Variants in TOGARAM1 observed in about 807,000 individuals in gnomAD.
TOGARAM1 encodes the protein TOG array regulator of axonemal microtubules protein 1.
TOGARAM1 carries 100 observed loss-of-function variants against 166.6 expected under a neutral mutation model. The observed-to-expected ratio is 0.60, with a 90% confidence interval of 0.51 to 0.71. The LOEUF (loss-of-function observed/expected upper bound fraction) is 0.71, where lower values mean the gene tolerates loss of function less well. TOGARAM1 is among the 30% of genes least tolerant of loss of function. The pLI, the probability that TOGARAM1 is intolerant of heterozygous loss-of-function variation, is 0.00. For missense variants in TOGARAM1, 2,029 were observed against 2,102.7 expected (o/e 0.96, Z 0.69); for synonymous variants, 758 against 763.8 (o/e 0.99, Z 0.13).
rs1883473949 is a variant in TOGARAM1 at position 45,073,478 on chromosome 14, T to C, written c.5239T>C (p.Leu1747=). Residue 1747 remains leucine (L), a synonymous_variant, in exon 20 of 20, where the codon TTA becomes CTA. Coordinates refer to ENST00000361462, the MANE Select transcript of TOGARAM1 (RefSeq NM_001308120.2). Reference sequence around the variant, plus strand: ...CTTTGCACAGATGGGTCAGAATCTGTTAAATCAGGCTGCATCTCAACCACC... The same window carrying C: ...CTTTGCACAGATGGGTCAGAATCTGCTAAATCAGGCTGCATCTCAACCACC... ...ALFAQMGQNL[L]NQAASQPPHI... 8 of 1,614,018 alleles carry C rather than the reference T, an allele frequency of 5.0e-6. No homozygotes were observed. Among genetic ancestry groups the C allele is most frequent in the Non-Finnish European group, 5.9e-6 (7 of 1,180,040 alleles).
At chr14:44,995,576 T>C (rs1566617974) in intron 1 of TOGARAM1, 170 bp from the exon 2 acceptor site, 2 of 640,102 alleles carry the variant, frequency 3.1e-6, no homozygotes, top group East Asian at 6.3e-5. Context: ...GAATGAAAAG[T>C]ACTGTTGGTG....
At chr14:45,022,770 TG>T (rs1201532764) in intron 7 of TOGARAM1, 1 of 152,112 alleles carries the variant, frequency 6.6e-6, no homozygotes, top group African/African-American at 2.4e-5. Flanking sequence ...CAGCTCTTTT[TG>T]CTTCAATATC....
At chr14:45,017,125 G>A (rs1016683264) in intron 7 of TOGARAM1, among the ~76,000 whole-genome samples, 4 of 152,172 alleles carry the variant, frequency 2.6e-5, no homozygotes, top group Admixed American at 6.5e-5. Context: ...TTCATGACAA[G>A]TTAATTTTTA....
At chr14:44,985,377 A>G (rs1886740515) in intron 1 of TOGARAM1, among the ~76,000 whole-genome samples, 1 of 152,164 alleles carries the variant, frequency 6.6e-6, no homozygotes, top group African/African-American at 2.4e-5. Flanking sequence ...GCATATATGT[A>G]TCCTTTAACT....
At chr14:45,053,316 C>T (rs1266847683) in intron 15 of TOGARAM1, among the ~76,000 whole-genome samples, 1 of 152,126 alleles carries the variant, frequency 6.6e-6, no homozygotes, top group East Asian at 1.9e-4. Flanking sequence ...GCTGGGATTA[C>T]AGGCGAGAGC....
intron 1 of TOGARAM1, among the ~76,000 whole-genome samples, chr14:44,966,555 C>T (rs111053517): frequency 6.6e-6 from 1 of 151,980 alleles, no homozygotes; most frequent in East Asian, 1.9e-4. Context: ...TGTTTACTAC[C>T]TGCAATTCTT....
At chr14:45,046,153 G>C (rs533875835) in intron 13 of TOGARAM1, among the ~76,000 whole-genome samples, 2 of 151,270 alleles carry the variant, frequency 1.3e-5, no homozygotes, top group Non-Finnish European at 1.5e-5. Flanking sequence ...ATAGATCTTA[G>C]CCTCACGTGG....
At chr14:45,010,238 C>G (rs937372724) in intron 6 of TOGARAM1, among the ~76,000 whole-genome samples, 1 of 152,122 alleles carries the variant, frequency 6.6e-6, no homozygotes, top group African/African-American at 2.4e-5. Context: ...GTGTTCCATT[C>G]TTAGAAGTTT....
rs140279717 is a variant in TOGARAM1, at chr14:45,063,656, T to A, written c.4560-2922T>A. On this transcript the variant is annotated intron_variant, in intron 16 of 19. Transcript: ENST00000361462. ...CACCATGCCCAGCTAATTTTTGTAT[T>A]TTTAGTAGAGACAGGGTTTCACGAT... Among the ~76,000 whole-genome samples, 84 of 152,008 alleles carry A rather than the reference T, an allele frequency of 5.5e-4. No homozygotes were observed. In the East Asian group the frequency reaches 0.01, roughly 19 times the overall value.
chr14:45,027,333 C>A lies in TOGARAM1; in HGVS notation c.3363C>A (p.Thr1121=). Residue 1121 remains threonine, a synonymous_variant, in exon 9 of 20, where the codon ACC becomes ACA. Coordinates refer to ENST00000361462, the MANE Select transcript of TOGARAM1 (RefSeq NM_001308120.2). ...VFGSLSSAPA[T]CSQSVISSVE... ...GAAGTTTAAGTTCAGCACCAGCAAC[C>A]TGCAGCCAATCAGTGATATCTTCTG... is the stretch of plus-strand genomic sequence containing the variant. 6.2e-7 allele frequency: 1 copy of A among 1,613,238 alleles called. No homozygotes were observed. The highest frequency in any genetic ancestry group is 8.5e-7 in the Non-Finnish European group (1 of 1,179,778).
At chr14:45,052,730 T>C (rs1158160764) in intron 15 of TOGARAM1, among the ~76,000 whole-genome samples, 168 bp downstream of exon 15, 4 of 152,228 alleles carry the variant, frequency 2.6e-5, no homozygotes, top group Non-Finnish European at 4.4e-5. Context: ...TAAGTAGACA[T>C]ACATATTGTC....
At position 44,962,532 on chromosome 14, in the gene TOGARAM1, A is replaced by G; in HGVS notation, c.111A>G (p.Arg37=). ...RPSAPETDDS[R]VGGIMRGEKN... ...CCGCCCCAGAGACCGATGATAGTCG[A>G]GTTGGGGGCATTATGAGAGGAGAGA... Residue 37 remains arginine (R), a synonymous_variant, in exon 1 of 20, where the codon CGA becomes CGG. Transcript: ENST00000361462. 6.2e-7 allele frequency: 1 copy of G among 1,613,722 alleles called. No individual in the cohort carries two copies. The highest frequency in any genetic ancestry group is 8.5e-7 in the Non-Finnish European group (1 of 1,179,926).
chr14:45,061,400 G>A (rs1346844896), intron 16 of TOGARAM1, among the ~76,000 whole-genome samples: 1 of 151,994 alleles, frequency 6.6e-6, no homozygotes, highest in Non-Finnish European at 1.5e-5. Flanking sequence ...CCTTAATACT[G>A]TGCTGGTTAG....
chr14:45,047,739 A>G (rs906553888), intron 14 of TOGARAM1, among the ~76,000 whole-genome samples: 2 of 152,110 alleles, frequency 1.3e-5, no homozygotes, highest in Non-Finnish European at 2.9e-5. Flanking sequence ...GTAATGTCCC[A>G]TATAAAATCT....
intron 16 of TOGARAM1, among the ~76,000 whole-genome samples, chr14:45,058,608 T>A (rs1009107398): frequency 6.6e-6 from 1 of 152,148 alleles, no homozygotes; most frequent in Non-Finnish European, 1.5e-5. Flanking sequence ...TATCTTTTTC[T>A]ACCCCTTTAA....
intron 1 of TOGARAM1, among the ~76,000 whole-genome samples, chr14:44,988,213 C>T (rs1332021454): frequency 2.0e-5 from 3 of 151,802 alleles, no homozygotes. Context: ...ATGTAACAAA[C>T]CTGCACATTG....
At chr14:45,027,533 T>C (rs1332513300) in intron 9 of TOGARAM1, 59 bp downstream of exon 9, 1 of 1,339,202 alleles carries the variant, frequency 7.5e-7, no homozygotes, top group Non-Finnish European at 1.0e-6. Flanking sequence ...CATTGTTTTG[T>C]GTATATCAGA....
chr14:45,013,455 T>G (rs751448791), intron 7 of TOGARAM1, among the ~76,000 whole-genome samples: 1 of 152,190 alleles, frequency 6.6e-6, no homozygotes, highest in Non-Finnish European at 1.5e-5. Context: ...TGCATAAAAC[T>G]AGTGTTAACA....
At chr14:45,017,894 A>G (rs1351239705) in intron 7 of TOGARAM1, among the ~76,000 whole-genome samples, 1 of 152,182 alleles carries the variant, frequency 6.6e-6, no homozygotes, top group Admixed American at 6.5e-5. Context: ...AAAAAAGGAA[A>G]AAAAGAACCA....
Sources: allele counts gnomAD v4.1 joint callset (sites outside exome capture counted in the v4.1 genomes callset), GRCh38; gene constraint gnomAD v4.1.1; transcripts MANE v1.5; gene names NCBI Gene and HGNC (gene_info 2026-07-23, HGNC 2026-07-21).